Variants in BUB1 observed in about 807,000 individuals in gnomAD.
BUB1 encodes mitotic checkpoint serine/threonine-protein kinase BUB1.
Under a neutral mutation model 135.2 loss-of-function variants are expected in BUB1, and 84 were observed. That is an observed-to-expected ratio of 0.62 (90% CI 0.52 to 0.74). The LOEUF is 0.74. Ranked by LOEUF, BUB1 falls within the 30% of genes least tolerant of loss-of-function variation. The pLI is 0.00. For synonymous variants in BUB1, 403 were observed against 434.4 expected (o/e 0.93, Z 0.90); for missense variants, 1,162 against 1,288.3 (o/e 0.90, Z 1.50).
chr2:110,642,367 C>G (rs550168349), intron 19 of BUB1, 133 bp from the exon 20 acceptor site: 1 of 532,022 alleles, frequency 1.9e-6, no homozygotes, highest in Non-Finnish European at 3.4e-6. Context: ...TTAACTCTTA[C>G]ATAACCATGG....
chr2:110,670,234 G>A (rs1690384737), intron 5 of BUB1, among the ~76,000 whole-genome samples: 1 of 150,976 alleles, frequency 6.6e-6, no homozygotes, highest in Admixed American at 6.6e-5. Flanking sequence ...TGCCTCCCGG[G>A]CTCAAGCAAT....
intron 9 of BUB1, 27 bp downstream of exon 9, chr2:110,666,236 G>A: frequency 7.5e-7 from 1 of 1,326,300 alleles, no homozygotes; most frequent in Non-Finnish European, 9.7e-7. Context: ...GCTGGGCACA[G>A]GATGTGTCAT....
intron 21 of BUB1, 68 bp downstream of exon 21, chr2:110,641,573 AG>A: frequency 6.4e-7 from 1 of 1,562,416 alleles, no homozygotes; most frequent in African/African-American, 1.4e-5. Flanking sequence ...CAACCACAAA[AG>A]TACGTGCAAG....
At chr2:110,673,291 T>C (rs1375915041) in intron 3 of BUB1, among the ~76,000 whole-genome samples, 1 of 152,234 alleles carries the variant, frequency 6.6e-6, no homozygotes, top group Non-Finnish European at 1.5e-5. Flanking sequence ...TCCTTTATAA[T>C]AAAACATTAA....
chr2:110,659,556 C>A (rs1377558379), intron 11 of BUB1, among the ~76,000 whole-genome samples: 1 of 152,202 alleles, frequency 6.6e-6, no homozygotes. Context: ...CCCAGTCACA[C>A]AGCGGAGAAG....
At position 110,674,083 on chromosome 2, in the gene BUB1, T is replaced by C. The variant is rs761099852; in HGVS notation, c.225+3A>G. ...TTTGATTATACATCTTAAGTATACT[T>C]ACAAATTTTAAACAATAACTGATGA... On this transcript the variant is annotated splice_donor_region_variant and intron_variant, in intron 3 of 24. Coordinates refer to ENST00000302759, the MANE Select transcript of BUB1 (RefSeq NM_004336.5). 5 of 1,512,860 alleles carry C rather than the reference T, an allele frequency of 3.3e-6. No individual in the cohort carries two copies. Among genetic ancestry groups the C allele is most frequent in the Admixed American group, 1.8e-5 (1 of 55,518 alleles). The allele number at this position is 1,512,860 out of a possible 1,614,324, so 93.7% of individuals were successfully genotyped here.
intron 5 of BUB1, among the ~76,000 whole-genome samples, chr2:110,670,068 C>T (rs1228261669): frequency 1.4e-5 from 2 of 146,220 alleles, no homozygotes; most frequent in African/African-American, 5.0e-5. Flanking sequence ...TTATGATGAT[C>T]AGAATGCTTT....
At chr2:110,653,946 A>G (rs1468514365) in intron 16 of BUB1, among the ~76,000 whole-genome samples, 1 of 152,194 alleles carries the variant, frequency 6.6e-6, no homozygotes. Flanking sequence ...TTGAGGCTGC[A>G]CTGCACTCAG....
At chr2:110,666,483 A>C (rs1426787622) in intron 8 of BUB1, 69 bp from the exon 9 acceptor site, 85 of 1,199,112 alleles carry the variant, frequency 7.1e-5, no homozygotes, top group Non-Finnish European at 8.7e-5. Context: ...TACATGCAAA[A>C]TGAGGAAAGG....
chr2:110,666,150 T>G lies in BUB1; in HGVS notation c.957+113A>C, dbSNP rs1324011739. 2.8e-6 allele frequency: 3 copies of G among 1,085,230 alleles called. No homozygotes were observed. In the East Asian group the frequency reaches 9.1e-5, roughly 33 times the overall value. The allele number at this position is 1,085,230 out of a possible 1,614,324, so 67.2% of individuals were successfully genotyped here. A position where few individuals can be genotyped will look rare whatever the true frequency, so the allele number is the denominator to read the frequency against. On this transcript the variant is annotated intron_variant, in intron 9 of 24. Coordinates refer to ENST00000302759, the MANE Select transcript of BUB1 (RefSeq NM_004336.5). ...CAAATTATTTTAGACTTTCAGAAAGTTACTAGCTAAATTAACATCAGAATT... is the reference window on the plus strand; with the variant it reads ...CAAATTATTTTAGACTTTCAGAAAGGTACTAGCTAAATTAACATCAGAATT...
At chr2:110,673,633 A>C (rs1434490872) in intron 3 of BUB1, among the ~76,000 whole-genome samples, 2 of 151,884 alleles carry the variant, frequency 1.3e-5, no homozygotes, top group East Asian at 3.9e-4. Flanking sequence ...TCACTCTGTC[A>C]CCCAGGCTGG....
chr2:110,647,179 C>T (rs976285104), intron 19 of BUB1, among the ~76,000 whole-genome samples: 3 of 152,136 alleles, frequency 2.0e-5, no homozygotes. Context: ...CTTCCTATCT[C>T]ATCCTAAGGG....
Position 110,641,320 on chromosome 2 carries a change from T to C in BUB1, c.2770A>G (p.Ile924Val). Residue 924 changes from isoleucine to valine, a missense_variant, in exon 22 of 25, where the codon ATA (isoleucine) becomes GTA (valine). Ile to Val is a conservative substitution (Grantham distance 29). Transcript: ENST00000302759. ...IHGDIKPDNF[I>V]LGNGFLEQDD... ...CATAACACTTGCCCGTTTCCAAGTA[T>C]GAAATTGTCTGGTTTAATGTCTCCA... 1 of 1,607,430 alleles carries C rather than the reference T, an allele frequency of 6.2e-7. No individual in the cohort carries two copies. The highest frequency in any genetic ancestry group is 8.5e-7 in the Non-Finnish European group (1 of 1,176,814).
chr2:110,639,483 T>A (rs1397284604), intron 24 of BUB1, among the ~76,000 whole-genome samples: 2 of 151,712 alleles, frequency 1.3e-5, no homozygotes, highest in African/African-American at 2.4e-5. Context: ...GTGGAAACAT[T>A]TGCGTGTGTA....
In BUB1 at chr2:110,639,723, C is replaced by A; in HGVS notation, c.3062+19G>T. Reference sequence around the variant, plus strand: ...TTTAGTTATTCTCTTTTCACTACAGCACCAATGCTAATACTCACCTTCTAA... The same window carrying A: ...TTTAGTTATTCTCTTTTCACTACAGAACCAATGCTAATACTCACCTTCTAA... On this transcript the variant is annotated intron_variant, in intron 24 of 24. Transcript: ENST00000302759. The A allele has an allele frequency of 6.5e-7, 1 of 1,547,386 alleles. No individual in the cohort carries two copies. The highest frequency in any genetic ancestry group is 1.1e-5 in the South Asian group (1 of 89,686).
chr2:110,649,955 C>T (rs1403185546), intron 18 of BUB1, among the ~76,000 whole-genome samples: 1 of 152,172 alleles, frequency 6.6e-6, no homozygotes, highest in East Asian at 1.9e-4. Flanking sequence ...ACTCACTCAG[C>T]GCTAAGCACA....
intron 9 of BUB1, among the ~76,000 whole-genome samples, chr2:110,665,133 T>C (rs529322479): frequency 5.5e-4 from 84 of 152,344 alleles, no homozygotes; most frequent in Middle Eastern, 3.4e-3. Flanking sequence ...TAGATATCTA[T>C]GCAATAGCAG....
At chr2:110,644,376 C>A (rs1364124074) in intron 19 of BUB1, among the ~76,000 whole-genome samples, 6 of 150,774 alleles carry the variant, frequency 4.0e-5, no homozygotes, top group Non-Finnish European at 8.8e-5. Flanking sequence ...ACTCGGGAAG[C>A]TGAGGCAGTA....
At chr2:110,661,482 A>G in intron 10 of BUB1, 100 bp downstream of exon 10, 1 of 1,394,722 alleles carries the variant, frequency 7.2e-7, no homozygotes, top group Non-Finnish European at 9.6e-7. Context: ...GGCAGACATC[A>G]TTCATCTTTT....
Sources: gnomAD v4.1 joint callset for allele counts (sites outside exome capture counted in the v4.1 genomes callset) on GRCh38, gnomAD v4.1.1 for gene constraint, MANE v1.5 for transcripts, NCBI Gene and HGNC (gene_info 2026-07-23, HGNC 2026-07-21) for gene names.